ASIC2: variants seen among roughly 807,000 people sequenced by gnomAD.
ASIC2 encodes acid-sensing ion channel 2.
Under a neutral mutation model 57.3 loss-of-function variants are expected in ASIC2, and 25 were observed. The observed-to-expected ratio is 0.44, with a 90% CI of 0.32 to 0.61. The LOEUF is 0.61. ASIC2 is among the 20% of genes least tolerant of loss of function. The probability of loss-of-function intolerance (pLI) is 0.06; values close to 1 mark genes in which losing one functional copy is unlikely to be tolerated. For missense variants in ASIC2, 641 were observed against 738.1 expected, an observed-to-expected ratio of 0.87 and a Z score of 1.52; for synonymous variants, 319 against 307.5, an observed-to-expected ratio of 1.04 and a Z score of -0.39.
intron 1 of ASIC2, among the ~76,000 whole-genome samples, chr17:33,246,092 T>A (rs772834501): frequency 4.0e-5 from 6 of 150,968 alleles, no homozygotes; most frequent in Non-Finnish European, 7.4e-5. Flanking sequence ...ACCCTGTGAA[T>A]TTAGAAATGC....
chr17:33,597,194 T>C (rs1157885561), intron 1 of ASIC2, among the ~76,000 whole-genome samples: 1 of 152,198 alleles, frequency 6.6e-6, no homozygotes, highest in African/African-American at 2.4e-5. Context: ...ACTGCAGACA[T>C]GTTTCTTTGT....
intron 1 of ASIC2, among the ~76,000 whole-genome samples, chr17:34,096,965 A>T (rs1910571333): frequency 6.6e-6 from 1 of 152,000 alleles, no homozygotes; most frequent in African/African-American, 2.4e-5. Flanking sequence ...GGTGGAAAGA[A>T]ATGACTACAG....
intron 7 of ASIC2, 57 bp downstream of exon 7, chr17:33,021,162 T>TGG: frequency 2.9e-6 from 2 of 694,008 alleles, no homozygotes. Flanking sequence ...CTGTGCATCC[T>TGG]CCCTCCCTCC....
rs139819658 is a variant in ASIC2, at chr17:33,345,343, G to A, written c.556-233276C>T. On this transcript the variant is annotated intron_variant, in intron 1 of 9. Transcript: ENST00000359872. ...CACTGAGAAAGTACCGATGGGCAAG[G>A]CAAGATCCCTATCCTCACATATGTT... Among the ~76,000 whole-genome samples, 114 of 152,304 alleles carry A rather than the reference G, an allele frequency of 7.5e-4. 1 individual carries two copies. The East Asian group carries it at 0.021, about 29-fold the overall frequency.
At chr17:33,715,203 C>T (rs9903772) in intron 1 of ASIC2, among the ~76,000 whole-genome samples, 20,365 of 151,846 alleles carry the variant, frequency 0.13, 1,452 homozygotes, top group African/African-American at 0.18. Flanking sequence ...GGTCTCACTG[C>T]GTTGCCCAGG....
At chr17:34,017,993 G>A (rs1416966529) in intron 1 of ASIC2, among the ~76,000 whole-genome samples, 6 of 152,172 alleles carry the variant, frequency 3.9e-5, no homozygotes, top group Admixed American at 2.0e-4. Context: ...ACACTAAACA[G>A]TAGATTTTCT....
At chr17:33,661,420 G>A (rs980150808) in intron 1 of ASIC2, among the ~76,000 whole-genome samples, 1 of 152,224 alleles carries the variant, frequency 6.6e-6, no homozygotes, top group African/African-American at 2.4e-5. Context: ...ACAATAACGA[G>A]GGCCATCATC....
At chr17:33,109,729 T>C (rs2092249190) in intron 2 of ASIC2, among the ~76,000 whole-genome samples, 1 of 152,186 alleles carries the variant, frequency 6.6e-6, no homozygotes, top group African/African-American at 2.4e-5. Context: ...TTGGTATAGC[T>C]CATCATCCAG....
intron 1 of ASIC2, among the ~76,000 whole-genome samples, chr17:33,429,720 C>A (rs936248404): frequency 9.2e-5 from 14 of 152,110 alleles, no homozygotes; most frequent in African/African-American, 3.4e-4. Context: ...AAAATGAGAT[C>A]TGAGGCATTT....
intron 1 of ASIC2, among the ~76,000 whole-genome samples, chr17:34,127,763 G>A (rs1222140824): frequency 3.9e-5 from 6 of 152,162 alleles, no homozygotes; most frequent in Admixed American, 3.9e-4. Context: ...CTGAACTCAA[G>A]AATACAAGAA....
chr17:33,868,193 G>A lies in ASIC2; in HGVS notation c.555+287785C>T, dbSNP rs73988959. Among the ~76,000 whole-genome samples, 707 of 81,980 alleles carry A rather than the reference G, an allele frequency of 8.6e-3. 6 individuals carry two copies. Among genetic ancestry groups the A allele is most frequent in the African/African-American group, 0.022 (591 of 26,980 alleles). The allele number at this position is 81,980 out of a possible 152,430, so 53.8% of individuals were successfully genotyped here. ...GGTCAACAAATGTATGTGTGTGTGT[G>A]TATGTGTGTGTGTGTGTGTGTGTGT... On this transcript the variant is annotated intron_variant, in intron 1 of 9. Coordinates refer to the ASIC2 transcript ENST00000359872.
At chr17:33,477,177 A>G (rs1913257769) in intron 1 of ASIC2, among the ~76,000 whole-genome samples, 1 of 152,232 alleles carries the variant, frequency 6.6e-6, no homozygotes, top group African/African-American at 2.4e-5. Flanking sequence ...ATATATACTC[A>G]GAATTGCTGG....
intron 1 of ASIC2, among the ~76,000 whole-genome samples, chr17:33,882,178 A>T (rs1246290439): frequency 6.6e-6 from 1 of 152,240 alleles, no homozygotes; most frequent in Admixed American, 6.5e-5. Flanking sequence ...CCTAGGCATT[A>T]CCATTCGGGA....
chr17:33,246,633 T>C (rs1349560162), intron 1 of ASIC2, among the ~76,000 whole-genome samples: 4 of 152,218 alleles, frequency 2.6e-5, no homozygotes, highest in African/African-American at 9.7e-5. Context: ...CTGAGCTAAG[T>C]GCAAGTGAAT....
intron 1 of ASIC2, among the ~76,000 whole-genome samples, chr17:33,205,875 C>G (rs1015785259): frequency 6.6e-6 from 1 of 152,230 alleles, no homozygotes; most frequent in Non-Finnish European, 1.5e-5. Context: ...AACATTCATT[C>G]TTCTCTGGGC....
chr17:33,892,208 T>G (rs1043814969), intron 1 of ASIC2, among the ~76,000 whole-genome samples: 1 of 152,202 alleles, frequency 6.6e-6, no homozygotes, highest in Non-Finnish European at 1.5e-5. Flanking sequence ...ATAATGTAAT[T>G]TCACAGAATG....
chr17:33,522,625 C>G (rs1271902523), intron 1 of ASIC2, among the ~76,000 whole-genome samples: 3 of 152,226 alleles, frequency 2.0e-5, no homozygotes, highest in African/African-American at 7.2e-5. Flanking sequence ...AAGAGTCCCT[C>G]ACAGGACTCA....
intron 1 of ASIC2, among the ~76,000 whole-genome samples, chr17:33,553,546 G>A (rs1223064795): frequency 3.3e-5 from 5 of 151,614 alleles, no homozygotes; most frequent in African/African-American, 9.7e-5. Flanking sequence ...ATGTTGCCTG[G>A]GCTGGCCTTG....
intron 3 of ASIC2, among the ~76,000 whole-genome samples, chr17:33,087,127 T>C (rs368327090): frequency 1.3e-5 from 2 of 152,210 alleles, no homozygotes; most frequent in Admixed American, 1.3e-4. Flanking sequence ...TCACCTAGGC[T>C]AGTAGCTCAG....
Sources: allele counts gnomAD v4.1 joint callset (sites outside exome capture counted in the v4.1 genomes callset), GRCh38; gene constraint gnomAD v4.1.1; transcripts MANE v1.5; gene names NCBI Gene and HGNC (gene_info 2026-07-23, HGNC 2026-07-21).